WWOX: variants seen among roughly 807,000 people sequenced by gnomAD.
The protein encoded by WWOX is WW domain containing oxidoreductase.
Under a neutral mutation model 46.2 loss-of-function variants are expected in WWOX, and 69 were observed. The ratio of observed to expected loss-of-function variants is 1.49; its 90% confidence interval spans 1.23 to 1.82. WWOX has a LOEUF of 1.82. Among genes scored for constraint, WWOX ranks in the 40% most tolerant of loss-of-function variants. WWOX has a pLI of 0.00. For synonymous variants in WWOX, 359 were observed against 202.6 expected (o/e 1.77, Z -6.56); for missense variants, 919 against 542.6 (o/e 1.69, Z -6.89).
At chr16:78,575,373 C>G (rs991255680) in intron 8 of WWOX, among the ~76,000 whole-genome samples, 3 of 151,504 alleles carry the variant, frequency 2.0e-5, no homozygotes, top group Non-Finnish European at 4.4e-5. Flanking sequence ...CCTGAAATAG[C>G]CCTATCTCCA....
intron 8 of WWOX, among the ~76,000 whole-genome samples, chr16:78,561,443 G>C (rs2044432389): frequency 6.6e-6 from 1 of 152,170 alleles, no homozygotes; most frequent in Non-Finnish European, 1.5e-5. Context: ...AACTGATGTG[G>C]AGTCTTAATT....
At chr16:78,722,421 C>A (rs934956066) in intron 8 of WWOX, among the ~76,000 whole-genome samples, 3 of 152,084 alleles carry the variant, frequency 2.0e-5, no homozygotes, top group African/African-American at 7.2e-5. Flanking sequence ...GAAAAGTGAC[C>A]GTATGAAATG....
At chr16:78,532,957 G>A (rs2043658434) in intron 8 of WWOX, among the ~76,000 whole-genome samples, 1 of 152,200 alleles carries the variant, frequency 6.6e-6, no homozygotes, top group African/African-American at 2.4e-5. Flanking sequence ...GCCTGATGAA[G>A]CAAGAGTAGG....
chr16:79,062,176 T>C (rs1159492747), intron 8 of WWOX, among the ~76,000 whole-genome samples: 2 of 152,070 alleles, frequency 1.3e-5, no homozygotes, highest in Non-Finnish European at 2.9e-5. Context: ...GACTCAAGGT[T>C]GGGGAGACTG....
At chr16:78,716,115 G>C (rs1031935396) in intron 8 of WWOX, among the ~76,000 whole-genome samples, 8 of 152,122 alleles carry the variant, frequency 5.3e-5, no homozygotes, top group African/African-American at 1.9e-4. Flanking sequence ...CTTAAGATAG[G>C]CCCTAATCCA....
At chr16:78,860,244 A>T (rs530712893) in intron 8 of WWOX, among the ~76,000 whole-genome samples, 1 of 152,318 alleles carries the variant, frequency 6.6e-6, no homozygotes, top group East Asian at 1.9e-4. Flanking sequence ...CAATTCCACT[A>T]TAGTAGATGC....
intron 8 of WWOX, among the ~76,000 whole-genome samples, chr16:78,780,829 C>T (rs1430925365): frequency 3.3e-5 from 5 of 152,118 alleles, no homozygotes; most frequent in African/African-American, 4.8e-5. Flanking sequence ...TAGGATTTCA[C>T]TGTAAAAGAA....
intron 8 of WWOX, among the ~76,000 whole-genome samples, chr16:79,080,571 C>G (rs1318223941): frequency 1.3e-5 from 2 of 152,226 alleles, no homozygotes; most frequent in Admixed American, 1.3e-4. Flanking sequence ...TTGTCTAACA[C>G]TGAATCTCGA....
chr16:78,708,177 C>G (rs891243530), intron 8 of WWOX, among the ~76,000 whole-genome samples: 2 of 152,124 alleles, frequency 1.3e-5, no homozygotes, highest in Non-Finnish European at 2.9e-5. Flanking sequence ...AGTGGTAGAG[C>G]AAGACCCTGT....
intron 4 of WWOX, among the ~76,000 whole-genome samples, chr16:78,138,776 G>T (rs1029292677): frequency 2.1e-4 from 32 of 152,210 alleles, no homozygotes; most frequent in African/African-American, 7.7e-4. Flanking sequence ...CGCTGCGGGA[G>T]AGTCCCAGCG....
At chr16:78,736,611 T>C (rs544413450) in intron 8 of WWOX, among the ~76,000 whole-genome samples, 6 of 152,062 alleles carry the variant, frequency 3.9e-5, no homozygotes, top group South Asian at 4.2e-4. Context: ...TTGTTTTGTT[T>C]TACTGAGATA....
intron 8 of WWOX, among the ~76,000 whole-genome samples, chr16:78,682,865 G>A (rs559482023): frequency 8.5e-5 from 13 of 152,312 alleles, no homozygotes; most frequent in Middle Eastern, 3.4e-3. Context: ...GTGGTGCTTA[G>A]CAGCTTTAGA....
intron 8 of WWOX, among the ~76,000 whole-genome samples, chr16:79,168,597 G>C (rs1387840708): frequency 1.3e-5 from 2 of 152,174 alleles, no homozygotes; most frequent in Non-Finnish European, 1.5e-5. Context: ...GCCTAGAAAT[G>C]TGGAGGGAGG....
At chr16:78,625,667 G>T (rs538451745) in intron 8 of WWOX, among the ~76,000 whole-genome samples, 36 of 151,522 alleles carry the variant, frequency 2.4e-4, no homozygotes, top group Non-Finnish European at 5.2e-4. Context: ...AAAAGTAATA[G>T]TAATAATAAT....
chr16:78,492,397 C>G (rs2859635), intron 8 of WWOX, among the ~76,000 whole-genome samples: 1 of 152,208 alleles, frequency 6.6e-6, no homozygotes, highest in Non-Finnish European at 1.5e-5. Context: ...GCAATTAAGC[C>G]TCCCTTCTCA....
Position 78,950,845 on chromosome 16 carries a change from C to G in WWOX, c.1057-260763C>G, listed in dbSNP as rs148332532. On this transcript the variant is annotated intron_variant, in intron 8 of 8. Transcript: ENST00000566780. ...GAAAACCAGACTTTTGAAGCAGGGG[C>G]TCTGATTGTCTCTTCTTATTATAGT... 2.0e-5 allele frequency among the ~76,000 whole-genome samples: 3 copies of G among 152,236 alleles called. 1 individual carries two copies. In the East Asian group the frequency reaches 5.8e-4, roughly 29 times the overall value.
intron 8 of WWOX, among the ~76,000 whole-genome samples, chr16:78,779,660 C>G (rs1387150690): frequency 6.6e-6 from 1 of 152,214 alleles, no homozygotes; most frequent in Admixed American, 6.5e-5. Flanking sequence ...GGCCCCAGTT[C>G]ACACTGCTGA....
intron 5 of WWOX, among the ~76,000 whole-genome samples, chr16:78,324,360 C>G (rs1316835983): frequency 2.0e-5 from 3 of 152,052 alleles, no homozygotes; most frequent in African/African-American, 7.2e-5. Flanking sequence ...TAAAATGGTA[C>G]AGCTAACTTG....
intron 8 of WWOX, among the ~76,000 whole-genome samples, chr16:78,864,609 A>G (rs889818372): frequency 6.6e-6 from 1 of 151,938 alleles, no homozygotes; most frequent in Non-Finnish European, 1.5e-5. Context: ...CATAACCTCC[A>G]TGATGTGATT....
Sources: allele counts gnomAD v4.1 joint callset (sites outside exome capture counted in the v4.1 genomes callset), GRCh38; gene constraint gnomAD v4.1.1; transcripts MANE v1.5; gene names NCBI Gene and HGNC (gene_info 2026-07-23, HGNC 2026-07-21).